Variants in RNF220 observed in about 807,000 individuals in gnomAD.
The protein encoded by RNF220 is E3 ubiquitin-protein ligase RNF220.
In RNF220, 7 loss-of-function variants were observed where a neutral mutation model predicts 67.1. That is an observed-to-expected ratio of 0.10 (90% confidence interval 0.06 to 0.20). The LOEUF (loss-of-function observed/expected upper bound fraction) is 0.20. Ranked by LOEUF, RNF220 falls within the 10% of genes least tolerant of loss-of-function variation. The probability of loss-of-function intolerance (pLI) is 1.00; values close to 1 mark genes in which losing one functional copy is unlikely to be tolerated. For synonymous variants in RNF220, 270 were observed against 283.2 expected (o/e 0.95, Z 0.47); for missense variants, 565 against 740.3 (o/e 0.76, Z 2.75).
At chr1:44,462,717 C>A (rs1245051547) in intron 2 of RNF220, among the ~76,000 whole-genome samples, 1 of 152,154 alleles carries the variant, frequency 6.6e-6, no homozygotes, top group East Asian at 1.9e-4. Context: ...CATGAAGAGT[C>A]AGAGTCCACA....
chr1:44,543,244 G>A lies in RNF220; in HGVS notation c.626-70921G>A, dbSNP rs144322697. Reference sequence around the variant, plus strand: ...CGGCTACCCCCTCCCCCTTCCCTCCGGTTGAGCAGAGCCAGAGTTAAGCCT... The same window carrying A: ...CGGCTACCCCCTCCCCCTTCCCTCCAGTTGAGCAGAGCCAGAGTTAAGCCT... On this transcript the variant is annotated intron_variant, in intron 2 of 14. Coordinates refer to ENST00000361799, the MANE Select transcript of RNF220 (RefSeq NM_018150.4). Among the ~76,000 whole-genome samples, 769 of 152,106 alleles carry A rather than the reference G, an allele frequency of 5.1e-3. 4 individuals carry two copies. Among genetic ancestry groups the A allele is most frequent in the African/African-American group, 0.018 (738 of 41,488 alleles).
chr1:44,457,141 C>T lies in RNF220; in HGVS notation c.625+44419C>T, dbSNP rs114998694. 4.1e-3 allele frequency among the ~76,000 whole-genome samples: 617 copies of T among 152,202 alleles called. 8 individuals are homozygous for T. Among genetic ancestry groups the T allele is most frequent in the African/African-American group, 0.014 (590 of 41,526 alleles). On this transcript the variant is annotated intron_variant, in intron 2 of 14. Coordinates refer to ENST00000361799, the MANE Select transcript of RNF220 (RefSeq NM_018150.4). ...CTCCCAACACCCTCCCAACACTCTA[C>T]CTTCCTCTCTCCTCTTCCTCCTCTT...
intron 2 of RNF220, among the ~76,000 whole-genome samples, chr1:44,597,501 C>T (rs1437832834): frequency 2.1e-5 from 3 of 143,136 alleles, no homozygotes; most frequent in African/African-American, 8.5e-5. Flanking sequence ...CACACACACA[C>T]ACACACACAC....
chr1:44,592,734 C>T (rs187199180), intron 2 of RNF220, among the ~76,000 whole-genome samples: 58 of 152,260 alleles, frequency 3.8e-4, no homozygotes, highest in Admixed American at 2.7e-3. Context: ...AAAGAAGACT[C>T]GGATGGGTTA....
intron 2 of RNF220, among the ~76,000 whole-genome samples, chr1:44,484,045 C>G (rs1470637619): frequency 2.0e-5 from 3 of 152,156 alleles, no homozygotes; most frequent in African/African-American, 7.2e-5. Context: ...GGCTGGTTCT[C>G]CTTCCTTCCT....
At chr1:44,623,199 G>T (rs553533028) in intron 4 of RNF220, among the ~76,000 whole-genome samples, 1 of 152,242 alleles carries the variant, frequency 6.6e-6, no homozygotes, top group South Asian at 2.1e-4. Context: ...GGGCACAGGG[G>T]TGTATGAATG....
At chr1:44,569,117 T>C (rs1025253258) in intron 2 of RNF220, among the ~76,000 whole-genome samples, 1 of 152,204 alleles carries the variant, frequency 6.6e-6, no homozygotes, top group African/African-American at 2.4e-5. Context: ...GTCTGAGGTG[T>C]GTGGAAGCTA....
intron 2 of RNF220, among the ~76,000 whole-genome samples, chr1:44,589,442 G>C (rs529253207): frequency 6.6e-6 from 1 of 151,972 alleles, no homozygotes; most frequent in Non-Finnish European, 1.5e-5. Context: ...GTGAAACCCC[G>C]TCTCTACTAA....
chr1:44,546,707 G>A (rs1423254899), intron 2 of RNF220, among the ~76,000 whole-genome samples: 8 of 152,048 alleles, frequency 5.3e-5, no homozygotes, highest in Admixed American at 2.6e-4. Context: ...GTAAGACCTC[G>A]GGCATCACTC....
Position 44,565,976 on chromosome 1 carries a change from G to A in RNF220, c.626-48189G>A, listed in dbSNP as rs1294124299. ...CCACATTGATATAAATGGAGGCTTCGGCTGCCTTTAAATAGTCCGATCTAT... is the reference window on the plus strand; with the variant it reads ...CCACATTGATATAAATGGAGGCTTCAGCTGCCTTTAAATAGTCCGATCTAT... On this transcript the variant is annotated intron_variant, in intron 2 of 14. Transcript: ENST00000361799. The surrounding 1 kb of genome is among the most constrained non-coding windows in gnomAD (Gnocchi z 4.2). Among the ~76,000 whole-genome samples, 3 of 152,086 alleles carry A rather than the reference G, an allele frequency of 2.0e-5. No homozygotes were observed. The highest frequency in any genetic ancestry group is 3.9e-4 in the East Asian group (2 of 5,180).
At chr1:44,602,348 G>C (rs1287720263) in intron 2 of RNF220, among the ~76,000 whole-genome samples, 1 of 152,146 alleles carries the variant, frequency 6.6e-6, no homozygotes, top group Admixed American at 6.5e-5. Flanking sequence ...TGCCTGGCCT[G>C]AGGAGCATGG....
In RNF220 at chr1:44,649,523, G is replaced by C; in HGVS notation, c.1446-138G>C. 2 of 745,682 alleles carry C rather than the reference G, an allele frequency of 2.7e-6. No individual in the cohort carries two copies. The highest frequency in any genetic ancestry group is 4.6e-6 in the Non-Finnish European group (2 of 435,670). The allele number at this position is 745,682 out of a possible 1,614,324, so 46.2% of individuals were successfully genotyped here. On this transcript the variant is annotated intron_variant, in intron 12 of 14. Transcript: ENST00000361799. The surrounding 1 kb of genome is among the most constrained non-coding windows in gnomAD (Gnocchi z 5.9). The stretch of plus-strand genomic sequence containing the variant: ...CTGGAATGTGGAATTTGCAGATTCA[G>C]GTTATCAGAGAAAGGGGGCAGGCAG...
intron 2 of RNF220, among the ~76,000 whole-genome samples, chr1:44,439,560 G>A (rs1170296195): frequency 6.6e-6 from 1 of 151,650 alleles, no homozygotes; most frequent in Non-Finnish European, 1.5e-5. Context: ...ATTTTATTTA[G>A]TTTTATGCCT....
At chr1:44,635,045 G>T (rs1256333499) in intron 6 of RNF220, among the ~76,000 whole-genome samples, 1 of 152,214 alleles carries the variant, frequency 6.6e-6, no homozygotes, top group East Asian at 1.9e-4. Flanking sequence ...TTCTAGGTGG[G>T]ATGCTAGGAG....
At chr1:44,491,386 A>T (rs1037352155) in intron 2 of RNF220, among the ~76,000 whole-genome samples, 3 of 152,196 alleles carry the variant, frequency 2.0e-5, no homozygotes, top group Non-Finnish European at 4.4e-5. Context: ...GTATAAAAAA[A>T]ATTATATACT....
rs1262353344 is a variant in RNF220, at chr1:44,417,640, C to G, written c.625+4918C>G. On this transcript the variant is annotated intron_variant, in intron 2 of 14. Coordinates refer to ENST00000361799, the MANE Select transcript of RNF220 (RefSeq NM_018150.4). This position sits in a 1 kb window ranked among gnomAD's most constrained non-coding sequence, Gnocchi z 4.0. ...GCCGTCCTCCCTCCTCGCCCCGCGC[C>G]CTCCCTCCCATCAATTGTCATGCAG... 6.6e-6 allele frequency among the ~76,000 whole-genome samples: 1 copy of G among 152,244 alleles called. No homozygotes were observed. The highest frequency in any genetic ancestry group is 1.5e-5 in the Non-Finnish European group (1 of 68,046).
chr1:44,405,487 G>C lies in RNF220; in HGVS notation c.-161G>C. 2.0e-6 allele frequency: 1 copy of C among 495,366 alleles called. No individual in the cohort carries two copies. Among genetic ancestry groups the C allele is most frequent in the Non-Finnish European group, 3.6e-6 (1 of 279,612 alleles). 30.7% of individuals were successfully genotyped at this position (495,366 alleles called of 1,614,324 possible). A position where few individuals can be genotyped will look rare whatever the true frequency, so the allele number is the denominator to read the frequency against. ...ACACTCTCCGCCTGCTTCCCTCCGT[G>C]TCCTGAAAAGTGCGACCGTTCTCCC... On this transcript the variant is annotated 5_prime_UTR_variant, in exon 1 of 15. Transcript: ENST00000361799.
intron 2 of RNF220, among the ~76,000 whole-genome samples, chr1:44,501,428 G>A (rs544850659): frequency 1.3e-5 from 2 of 152,274 alleles, no homozygotes; most frequent in South Asian, 2.1e-4. Flanking sequence ...CCGGTCAGCT[G>A]TGGGACACCC....
intron 1 of RNF220, chr1:44,408,798 C>T (rs1647666977): frequency 6.6e-6 from 1 of 152,166 alleles, no homozygotes; most frequent in Non-Finnish European, 1.5e-5. Flanking sequence ...GGGAAAGAGC[C>T]CTTTGCAGCT....
Sources: allele counts gnomAD v4.1 joint callset (sites outside exome capture counted in the v4.1 genomes callset), GRCh38; gene constraint gnomAD v4.1.1; non-coding constraint Gnocchi (gnomAD v3.1); transcripts MANE v1.5; gene names NCBI Gene and HGNC (gene_info 2026-07-23, HGNC 2026-07-21).